The following ARID1B variants were observed in gnomAD, a reference collection of about 807,000 sequenced individuals.
ARID1B encodes AT-rich interactive domain-containing protein 1B.
In ARID1B, 30 loss-of-function variants were observed where a neutral mutation model predicts 212.3. The observed-to-expected ratio is 0.14, with a 90% CI of 0.11 to 0.19. ARID1B has a LOEUF of 0.19. ARID1B is among the 10% of genes least tolerant of loss of function. ARID1B has a pLI of 1.00. For missense variants in ARID1B, 2,891 were observed against 3,204.0 expected, an observed-to-expected ratio of 0.90 and a Z score of 2.36; for synonymous variants, 1,402 against 1,301.7, an observed-to-expected ratio of 1.08 and a Z score of -1.66.
chr6:156,902,300 T>A (rs1053629641), intron 3 of ARID1B: 4 of 152,194 alleles, frequency 2.6e-5, no homozygotes, highest in Non-Finnish European at 5.9e-5. Context: ...CATCCAATCA[T>A]AAACATCAAA....
chr6:157,057,732 G>A (rs907475928), intron 4 of ARID1B, among the ~76,000 whole-genome samples: 3 of 152,088 alleles, frequency 2.0e-5, no homozygotes, highest in Admixed American at 6.6e-5. Flanking sequence ...ATTTAAAAAC[G>A]TATATAAAGC....
chr6:157,056,146 C>A lies in ARID1B; in HGVS notation c.2248-28516C>A, dbSNP rs2356047. 2.0e-3 allele frequency among the ~76,000 whole-genome samples: 309 copies of A among 152,290 alleles called. 1 individual carries two copies. Among genetic ancestry groups the A allele is most frequent in the African/African-American group, 6.9e-3 (286 of 41,554 alleles). ...ACCTGTCATCTCCACACCGCCCCCA[C>A]CTCATACTTAGGGTCAGGCATTATG... On this transcript the variant is annotated intron_variant, in intron 4 of 19. Coordinates refer to ENST00000636930, the MANE Select transcript of ARID1B (RefSeq NM_001374828.1).
intron 2 of ARID1B, 86 bp from the exon 3 acceptor site, chr6:156,901,289 CT>C (rs1369562361): frequency 6.7e-7 from 1 of 1,498,454 alleles, no homozygotes; most frequent in African/African-American, 1.4e-5. Context: ...AGAGAACCCC[CT>C]TCATGTTGCT....
chr6:156,906,150 AGGGGTGGTCCTCAACT>A (rs1789356524), intron 3 of ARID1B, among the ~76,000 whole-genome samples: 1 of 152,112 alleles, frequency 6.6e-6, no homozygotes, highest in Admixed American at 6.5e-5. Flanking sequence ...CATCATGAGG[AGGGGTGGTCCTCAACT>A]GGCTGCTCTC....
At chr6:157,160,665 C>G (rs1389999098) in intron 8 of ARID1B, among the ~76,000 whole-genome samples, 1 of 152,332 alleles carries the variant, frequency 6.6e-6, no homozygotes. Context: ...TCCTGTTTCT[C>G]TTAGGATAAA....
At chr6:157,195,242 C>T (rs1490295958) in intron 15 of ARID1B, 1 of 152,226 alleles carries the variant, frequency 6.6e-6, no homozygotes, top group African/African-American at 2.4e-5. Flanking sequence ...ATCAAGGTGT[C>T]TGCCAGCACT....
Position 157,126,539 on chromosome 6 carries a change from A to G in ARID1B, c.2582-6489A>G, listed in dbSNP as rs372962861. On this transcript the variant is annotated intron_variant, in intron 6 of 19. Transcript: ENST00000636930. ...GTACAAGTTCGGTGACTGTATGAGC[A>G]TACAGCGCAGGACTCAAAACTAGGA... Among the ~76,000 whole-genome samples the G allele has an allele frequency of 2.6e-5, 4 of 152,324 alleles. No individual in the cohort carries two copies. In the East Asian group the frequency reaches 7.7e-4, roughly 29 times the overall value.
At chr6:156,900,329 T>C (rs1358561571) in intron 2 of ARID1B, among the ~76,000 whole-genome samples, 1 of 152,228 alleles carries the variant, frequency 6.6e-6, no homozygotes, top group Non-Finnish European at 1.5e-5. Context: ...ACTGTGCTGA[T>C]TTTTCTTAGA....
At chr6:156,832,867 C>CTGGA (rs1783238649) in intron 2 of ARID1B, among the ~76,000 whole-genome samples, 1 of 152,152 alleles carries the variant, frequency 6.6e-6, no homozygotes, top group Non-Finnish European at 1.5e-5. Flanking sequence ...ATACTCGTGA[C>CTGGA]TGGATCTTTG....
chr6:157,029,746 A>G (rs1212360005), intron 4 of ARID1B, among the ~76,000 whole-genome samples: 1 of 152,160 alleles, frequency 6.6e-6, no homozygotes, highest in African/African-American at 2.4e-5. Context: ...TGCAGCGGGA[A>G]CATTGTGAAG....
At chr6:156,951,715 T>A (rs1793604888) in intron 4 of ARID1B, among the ~76,000 whole-genome samples, 1 of 152,192 alleles carries the variant, frequency 6.6e-6, no homozygotes, top group African/African-American at 2.4e-5. Context: ...AGTGTTGGGA[T>A]TACAGGTGTG....
At chr6:157,117,831 C>G (rs1309046434) in intron 6 of ARID1B, among the ~76,000 whole-genome samples, 3 of 152,166 alleles carry the variant, frequency 2.0e-5, no homozygotes, top group Non-Finnish European at 4.4e-5. Context: ...TGAGCTTACA[C>G]AAGATTAAAG....
chr6:157,107,896 G>C (rs948755136), intron 5 of ARID1B: 1 of 152,128 alleles, frequency 6.6e-6, no homozygotes, highest in African/African-American at 2.4e-5. Flanking sequence ...AATTCGGTTG[G>C]TTCGGAGGGC....
intron 2 of ARID1B, among the ~76,000 whole-genome samples, chr6:156,840,267 A>G (rs1225615539): frequency 6.6e-6 from 1 of 152,104 alleles, no homozygotes; most frequent in Non-Finnish European, 1.5e-5. Context: ...AGGGCTTGCT[A>G]TCTGAGTTCC....
intron 4 of ARID1B, among the ~76,000 whole-genome samples, chr6:157,074,739 T>C (rs1046637346): frequency 1.3e-5 from 2 of 152,180 alleles, no homozygotes; most frequent in African/African-American, 4.8e-5. Flanking sequence ...TCTTTGAGAC[T>C]CTTTATAGTG....
intron 2 of ARID1B, among the ~76,000 whole-genome samples, chr6:156,851,535 T>A (rs1784579628): frequency 6.6e-6 from 1 of 152,242 alleles, no homozygotes; most frequent in South Asian, 2.1e-4. Context: ...ACTGTCCAAC[T>A]GTTGTGCTAT....
intron 4 of ARID1B, among the ~76,000 whole-genome samples, chr6:157,042,191 C>T (rs1383404982): frequency 2.0e-5 from 3 of 152,164 alleles, no homozygotes; most frequent in African/African-American, 7.2e-5. Flanking sequence ...ATGCATAAAG[C>T]CATGACAAAG....
intron 4 of ARID1B, among the ~76,000 whole-genome samples, chr6:156,966,250 A>G (rs993452249): frequency 6.6e-6 from 1 of 152,202 alleles, no homozygotes; most frequent in Admixed American, 6.5e-5. Flanking sequence ...CGCAGTCCTC[A>G]TATATAAGAT....
At chr6:157,033,798 T>C (rs1320220207) in intron 4 of ARID1B, among the ~76,000 whole-genome samples, 2 of 152,210 alleles carry the variant, frequency 1.3e-5, no homozygotes, top group East Asian at 3.8e-4. Flanking sequence ...TGTTATAAAA[T>C]GTTGATTGTA....
Sources: allele counts gnomAD v4.1 joint callset (sites outside exome capture counted in the v4.1 genomes callset), GRCh38; gene constraint gnomAD v4.1.1; transcripts MANE v1.5; gene names NCBI Gene and HGNC (gene_info 2026-07-23, HGNC 2026-07-21).